ERO1A: variants seen among roughly 807,000 people sequenced by gnomAD.
ERO1A encodes endoplasmic reticulum oxidoreductase 1 alpha.
Under a neutral mutation model 76.9 loss-of-function variants are expected in ERO1A, and 49 were observed. That is an observed-to-expected ratio of 0.64 (90% CI 0.51 to 0.81). The LOEUF (loss-of-function observed/expected upper bound fraction) is 0.81, where lower values mean the gene tolerates loss of function less well. Among genes scored for constraint, ERO1A ranks in the 30% least tolerant of loss-of-function variants. The pLI is 0.00. For synonymous variants in ERO1A, 174 were observed against 181.2 expected (o/e 0.96, Z 0.32); for missense variants, 448 against 542.1 (o/e 0.83, Z 1.72).
chr14:52,671,910 G>T, intron 4 of ERO1A, 39 bp from the exon 5 acceptor site: 1 of 1,310,856 alleles, frequency 7.6e-7, no homozygotes. Context: ...ATAACTTATT[G>T]CATTTTTAAA....
At chr14:52,654,910 GTTGGTATTTAT>G (rs2039993618) in intron 11 of ERO1A, among the ~76,000 whole-genome samples, 1 of 152,164 alleles carries the variant, frequency 6.6e-6, no homozygotes, top group Admixed American at 6.5e-5. Context: ...TGATGAGAAA[GTTGGTATTTAT>G]TTAATGCATT....
rs60355765 is a variant in ERO1A, at chr14:52,684,118, GACAC to G, written c.115-215_115-212del. Reference sequence around the variant, plus strand: ...GGAATGGAAGGTGTGCAGAGCTCATGACACACACACACACACACACACACACACA... The same window carrying G: ...GGAATGGAAGGTGTGCAGAGCTCATGACACACACACACACACACACACACA... On this transcript the variant is annotated intron_variant, in intron 1 of 15. Transcript: ENST00000395686. Among the ~76,000 whole-genome samples the G allele has an allele frequency of 4.5e-3, 608 of 134,628 alleles. 5 individuals carry two copies. The highest frequency in any genetic ancestry group is 0.014 in the African/African-American group (541 of 37,332). 88.3% of individuals were successfully genotyped at this position (134,628 alleles called of 152,430 possible).
At chr14:52,683,553 G>A (rs746810468) in intron 2 of ERO1A, among the ~76,000 whole-genome samples, 9 of 152,068 alleles carry the variant, frequency 5.9e-5, no homozygotes, top group Non-Finnish European at 7.4e-5. Context: ...AATAATTTCT[G>A]TCCTAACTTC....
chr14:52,664,021 T>C, intron 7 of ERO1A, 174 bp from the exon 8 acceptor site: 2 of 461,714 alleles, frequency 4.3e-6, no homozygotes, highest in East Asian at 3.7e-5. Flanking sequence ...TTTGTTGTAG[T>C]GATAATAGTT....
intron 2 of ERO1A, among the ~76,000 whole-genome samples, chr14:52,682,946 G>T (rs528528734): frequency 6.6e-6 from 1 of 151,762 alleles, no homozygotes; most frequent in Admixed American, 6.6e-5. Context: ...GGTGGCTGGC[G>T]CCTGTAATCC....
chr14:52,671,869 A>G lies in ERO1A; in HGVS notation c.360T>C (p.Tyr120=). Residue 120 remains tyrosine (Y), a splice_region_variant and synonymous_variant, in exon 5 of 16, where the codon TAT becomes TAC. Transcript: ENST00000395686. ...PDGIKSASYK[Y]SEEANNLIEE... is the part of the protein sequence containing the mutation. Reference sequence around the variant, plus strand: ...CAATGAGATTATTGGCTTCTTCAGAATACTAAAATGAAAAAGGGAATAAAT... The same window carrying G: ...CAATGAGATTATTGGCTTCTTCAGAGTACTAAAATGAAAAAGGGAATAAAT... 1.3e-6 allele frequency: 2 copies of G among 1,586,700 alleles called. No homozygotes were observed. Among genetic ancestry groups the G allele is most frequent in the Non-Finnish European group, 1.7e-6 (2 of 1,163,888 alleles).
In ERO1A at chr14:52,683,799, TA is replaced by T; in HGVS notation, c.222del (p.Phe74LeufsTer6). 6.8e-7 allele frequency: 1 copy of T among 1,463,982 alleles called. No individual in the cohort carries two copies. Among genetic ancestry groups the T allele is most frequent in the Non-Finnish European group, 9.4e-7 (1 of 1,066,072 alleles). The allele number at this position is 1,463,982 out of a possible 1,614,324, so 90.7% of individuals were successfully genotyped here. On this transcript the variant is annotated frameshift_variant, in exon 2 of 16. Transcript: ENST00000395686. LOFTEE classifies it high-confidence loss of function. The part of the protein sequence containing the change: ...RLQKLLESDY[F>X]RYYKVNLKRP... The stretch of plus-strand genomic sequence containing the variant: ...AAAATTAAAAATACCTTGTAATACC[TA>T]AAGTAGTCACTTTCAAGAAGTTTTT...
chr14:52,645,107 T>A (rs557465425), intron 15 of ERO1A, among the ~76,000 whole-genome samples: 79 of 152,194 alleles, frequency 5.2e-4, no homozygotes, highest in South Asian at 1.2e-3. Context: ...TTATTAACCT[T>A]TTTATATAAT....
intron 2 of ERO1A, among the ~76,000 whole-genome samples, chr14:52,683,085 G>A (rs1431766717): frequency 6.6e-6 from 1 of 152,116 alleles, no homozygotes. Flanking sequence ...GCAGGTGCCT[G>A]TAATCCCAGT....
At chr14:52,670,068 C>G (rs1040023530) in intron 6 of ERO1A, among the ~76,000 whole-genome samples, 19 of 152,132 alleles carry the variant, frequency 1.2e-4, no homozygotes, top group African/African-American at 4.1e-4. Flanking sequence ...GCACACACCA[C>G]CAGGCCTGGC....
intron 13 of ERO1A, chr14:52,647,108 C>T (rs73293018): frequency 0.06 from 8,501 of 142,010 alleles, 855 homozygotes; most frequent in African/African-American, 0.21. Context: ...CCTGAGTAGC[C>T]GGGACTACAG....
At chr14:52,659,747 G>A (rs997254308) in intron 9 of ERO1A, among the ~76,000 whole-genome samples, 31 of 151,132 alleles carry the variant, frequency 2.1e-4, no homozygotes, top group Admixed American at 6.6e-5. Flanking sequence ...AGGGAGTTAG[G>A]GGATAATACT....
intron 1 of ERO1A, among the ~76,000 whole-genome samples, chr14:52,685,128 T>C (rs1328542568): frequency 6.6e-6 from 1 of 152,132 alleles, no homozygotes; most frequent in Non-Finnish European, 1.5e-5. Flanking sequence ...TGAATTAAGA[T>C]TCAGTATTTC....
At position 52,642,623 on chromosome 14, in the gene ERO1A, T is replaced by A. The variant is rs1365821791; in HGVS notation, c.*947A>T. On this transcript the variant is annotated 3_prime_UTR_variant, in exon 16 of 16. Transcript: ENST00000395686. Reference sequence around the variant, plus strand: ...TGCCTATAACTGACTTTCAAATGATTGAGGAAAAATTTGTGTGTGTGTGTG... The same window carrying A: ...TGCCTATAACTGACTTTCAAATGATAGAGGAAAAATTTGTGTGTGTGTGTG... The A allele has an allele frequency of 6.6e-6, 1 of 152,210 alleles. No homozygotes were observed. The highest frequency in any genetic ancestry group is 2.4e-5 in the African/African-American group (1 of 41,266). The allele number at this position is 152,210 out of a possible 1,614,324, so 9.4% of individuals were successfully genotyped here. A position where few individuals can be genotyped will look rare whatever the true frequency, so the allele number is the denominator to read the frequency against.
intron 6 of ERO1A, among the ~76,000 whole-genome samples, chr14:52,666,740 G>A (rs1234628927): frequency 1.3e-5 from 2 of 152,188 alleles, no homozygotes; most frequent in East Asian, 1.9e-4. Flanking sequence ...AATCCAGCCT[G>A]GCCAACATAG....
chr14:52,684,118 G>GACACATACACAC (rs1294734553), intron 1 of ERO1A, among the ~76,000 whole-genome samples: 5 of 134,638 alleles, frequency 3.7e-5, no homozygotes, highest in African/African-American at 1.1e-4. Context: ...CAGAGCTCAT[G>GACACATACACAC]ACACACACAC....
Position 52,646,302 on chromosome 14 carries a change from A to T in ERO1A, c.1213-15T>A, listed in dbSNP as rs774454491. On this transcript the variant is annotated splice_polypyrimidine_tract_variant and intron_variant, in intron 14 of 15. Coordinates refer to ENST00000395686, the MANE Select transcript of ERO1A (RefSeq NM_014584.3). ...AAACCCTGAGTCTGTAATAGAAATAAGGAAAAAAGAAAAATTAGAAAATTA... is the reference window on the plus strand; with the variant it reads ...AAACCCTGAGTCTGTAATAGAAATATGGAAAAAAGAAAAATTAGAAAATTA... The T allele has an allele frequency of 1.3e-5, 21 of 1,598,530 alleles. 1 individual carries two copies. The Admixed American group carries it at 3.8e-4, about 29-fold the overall frequency.
chr14:52,646,477 C>T lies in ERO1A; in HGVS notation c.1126-16G>A. 2 of 1,579,910 alleles carry T rather than the reference C, an allele frequency of 1.3e-6. No homozygotes were observed. The highest frequency in any genetic ancestry group is 1.7e-6 in the Non-Finnish European group (2 of 1,155,764). On this transcript the variant is annotated splice_polypyrimidine_tract_variant and intron_variant, in intron 13 of 15. Coordinates refer to ENST00000395686, the MANE Select transcript of ERO1A (RefSeq NM_014584.3). The stretch of plus-strand genomic sequence containing the variant: ...GAAAGTCCTCCTGAAAACAATTTAA[C>T]AAGATTTTATTAAGATGTAATATAC...
At chr14:52,655,030 CTT>C (rs931677571) in intron 11 of ERO1A, among the ~76,000 whole-genome samples, 12 of 152,170 alleles carry the variant, frequency 7.9e-5, no homozygotes, top group Admixed American at 3.3e-4. Flanking sequence ...GATTAAGTAA[CTT>C]AGCATTGTTT....
Sources: gnomAD v4.1 joint callset for allele counts (sites outside exome capture counted in the v4.1 genomes callset) on GRCh38, gnomAD v4.1.1 for gene constraint, MANE v1.5 for transcripts, NCBI Gene and HGNC (gene_info 2026-07-23, HGNC 2026-07-21) for gene names.